The following CYBRD1 variants were observed in gnomAD, a reference collection of about 807,000 sequenced individuals.
The protein encoded by CYBRD1 is plasma membrane ascorbate-dependent reductase CYBRD1.
CYBRD1 carries 14 observed loss-of-function variants against 21.9 expected under a neutral mutation model. The ratio of observed to expected loss-of-function variants is 0.64; its 90% CI spans 0.42 to 1.00. The LOEUF (loss-of-function observed/expected upper bound fraction) is 1.00. CYBRD1 is among the 50% of genes least tolerant of loss of function. The pLI is 0.00. For synonymous variants in CYBRD1, 146 were observed against 136.5 expected, an observed-to-expected ratio of 1.07 and a Z score of -0.48; for missense variants, 328 against 352.5, an observed-to-expected ratio of 0.93 and a Z score of 0.56.
Position 171,542,230 on chromosome 2 carries a change from A to G in CYBRD1, c.402+437A>G, listed in dbSNP as rs1574439849. Among the ~76,000 whole-genome samples, 3 of 152,176 alleles carry G rather than the reference A, an allele frequency of 2.0e-5. No individual in the cohort carries two copies. In the South Asian group the frequency reaches 6.2e-4, roughly 31 times the overall value. ...TATAACTATTTTCCCCTCAGAGAGC[A>G]CCAGAATTGCAGAATTCACAGAACA... On this transcript the variant is annotated intron_variant, in intron 2 of 3. Coordinates refer to ENST00000321348, the MANE Select transcript of CYBRD1 (RefSeq NM_024843.4).
intron 2 of CYBRD1, among the ~76,000 whole-genome samples, chr2:171,551,586 A>G (rs189158210): frequency 6.6e-6 from 1 of 152,312 alleles, no homozygotes; most frequent in East Asian, 1.9e-4. Flanking sequence ...TCCACCAAAA[A>G]TCTATTAGGA....
At chr2:171,547,261 C>T (rs1042411156) in intron 2 of CYBRD1, among the ~76,000 whole-genome samples, 8 of 152,014 alleles carry the variant, frequency 5.3e-5, no homozygotes, top group Admixed American at 5.2e-4. Context: ...CTAATGACCC[C>T]AGAAAGCAAT....
chr2:171,529,531 CA>C (rs57600338), intron 1 of CYBRD1, among the ~76,000 whole-genome samples: 19,639 of 68,730 alleles, frequency 0.29, 1,005 homozygotes, highest in East Asian at 0.49. Flanking sequence ...AACTCTGTCT[CA>C]AAAAAAAAAA....
At chr2:171,523,266 T>C (rs765824350) in intron 1 of CYBRD1, 7 of 434,036 alleles carry the variant, frequency 1.6e-5, no homozygotes, top group South Asian at 1.2e-4. Flanking sequence ...GGGGAAAAGA[T>C]TGCCGGAGCG....
chr2:171,555,067 T>C lies in CYBRD1; in HGVS notation c.*240T>C. ...TTGTGGTTATGTTACCTTTATCTTG[T>C]TGAGGACCACAACATTAGCACGGTG... On this transcript the variant is annotated 3_prime_UTR_variant, in exon 4 of 4. Transcript: ENST00000321348. 1.9e-6 allele frequency: 1 copy of C among 538,706 alleles called. No homozygotes were observed. The highest frequency in any genetic ancestry group is 3.3e-5 in the East Asian group (1 of 30,108). 33.4% of individuals were successfully genotyped at this position (538,706 alleles called of 1,614,324 possible).
chr2:171,535,221 A>G (rs1047163238), intron 1 of CYBRD1, among the ~76,000 whole-genome samples: 2 of 152,048 alleles, frequency 1.3e-5, no homozygotes, highest in Non-Finnish European at 1.5e-5. Context: ...CTCAAACCAT[A>G]ATTGTATGGG....
At position 171,522,720 on chromosome 2, in the gene CYBRD1, G is replaced by A. The variant is rs754748261; in HGVS notation, c.175G>A (p.Val59Ile). ...CCCAGTGCTCATGGTCACCGGCTTC[G>A]TCTTCATCCAGGGCATCGGTACTGG... ...WHPVLMVTGFVFIQGIAIIVY... is the reference protein window; with the variant it reads ...WHPVLMVTGFIFIQGIAIIVY... The change falls in exon 1 of 4, where the codon GTC becomes ATC. Residue 59 changes from valine (V) to isoleucine (I), a missense_variant. Val to Ile is a conservative substitution (Grantham distance 29, BLOSUM62 3). Coordinates refer to ENST00000321348, the MANE Select transcript of CYBRD1 (RefSeq NM_024843.4). This position sits in a 1 kb window ranked among gnomAD's most constrained non-coding sequence, Gnocchi z 4.3. 6.2e-6 allele frequency: 10 copies of A among 1,613,394 alleles called. No individual in the cohort carries two copies. In the African/African-American group the frequency reaches 1.1e-4, roughly 17 times the overall value.
chr2:171,538,932 G>T (rs1028660936), intron 1 of CYBRD1, among the ~76,000 whole-genome samples: 2 of 151,918 alleles, frequency 1.3e-5, no homozygotes, highest in South Asian at 2.1e-4. Flanking sequence ...CAAGTAGCTG[G>T]GATTACAGGT....
rs540751723 is a variant in CYBRD1, at chr2:171,545,519, C to T, written c.402+3726C>T. Among the ~76,000 whole-genome samples the T allele has an allele frequency of 1.1e-4, 17 of 149,756 alleles. No homozygotes were observed. In the South Asian group the frequency reaches 3.0e-3, roughly 26 times the overall value. ...TCAGCCTCCCGAGTAGCTGGGATTA[C>T]AGGCTCGTGCCACAACATGTGGCTA... On this transcript the variant is annotated intron_variant, in intron 2 of 3. Coordinates refer to ENST00000321348, the MANE Select transcript of CYBRD1 (RefSeq NM_024843.4).
At chr2:171,523,123 G>T in intron 1 of CYBRD1, 1 of 327,678 alleles carries the variant, frequency 3.1e-6, no homozygotes. Flanking sequence ...GCGCAGTCGG[G>T]CCGCTGCAGC....
chr2:171,530,377 A>G (rs948987197), intron 1 of CYBRD1, among the ~76,000 whole-genome samples: 2 of 152,192 alleles, frequency 1.3e-5, no homozygotes, highest in African/African-American at 2.4e-5. Context: ...CAGATTTTTC[A>G]TTGTTTCTCT....
chr2:171,545,741 G>A (rs904168298), intron 2 of CYBRD1, among the ~76,000 whole-genome samples: 12 of 151,764 alleles, frequency 7.9e-5, no homozygotes, highest in East Asian at 7.7e-4. Flanking sequence ...TATTTTTGTG[G>A]TACATATGAT....
chr2:171,527,307 T>C (rs1697399349), intron 1 of CYBRD1, among the ~76,000 whole-genome samples: 1 of 152,172 alleles, frequency 6.6e-6, no homozygotes, highest in East Asian at 1.9e-4. Context: ...CCAATAAAAA[T>C]GTTTTAGATA....
chr2:171,545,923 T>C (rs1444834572), intron 2 of CYBRD1, among the ~76,000 whole-genome samples: 1 of 152,208 alleles, frequency 6.6e-6, no homozygotes, highest in Non-Finnish European at 1.5e-5. Context: ...AGTTTTCTTC[T>C]TTAACATCTT....
intron 1 of CYBRD1, chr2:171,541,182 C>A: frequency 8.5e-6 from 2 of 234,948 alleles, no homozygotes; most frequent in South Asian, 6.3e-5. Flanking sequence ...ACGGAAATAC[C>A]AAGAAGACAT....
intron 3 of CYBRD1, 40 bp from the exon 4 acceptor site, chr2:171,554,484 A>G (rs766199247): frequency 1.2e-6 from 2 of 1,606,130 alleles, no homozygotes; most frequent in African/African-American, 2.7e-5. Flanking sequence ...ATGTTGCTGT[A>G]TCATCCTGTT....
chr2:171,531,604 G>A (rs545088926), intron 1 of CYBRD1, among the ~76,000 whole-genome samples: 21 of 152,066 alleles, frequency 1.4e-4, no homozygotes, highest in African/African-American at 2.6e-4. Context: ...CCACCGCACC[G>A]TCCCAGCTCA....
intron 1 of CYBRD1, among the ~76,000 whole-genome samples, chr2:171,528,186 A>G (rs1337859451): frequency 3.3e-5 from 5 of 152,066 alleles, no homozygotes; most frequent in Non-Finnish European, 5.9e-5. Flanking sequence ...CCCGGGTTCA[A>G]GCGATTCTCC....
rs928253173 is a variant in CYBRD1 at position 171,556,058 on chromosome 2, G to A, written c.*1231G>A. 1 of 152,190 alleles carries A rather than the reference G, an allele frequency of 6.6e-6. No homozygotes were observed. Among genetic ancestry groups the A allele is most frequent in the Non-Finnish European group, 1.5e-5 (1 of 68,030 alleles). The allele number at this position is 152,190 out of a possible 1,614,324, so 9.4% of individuals were successfully genotyped here. A position where few individuals can be genotyped will look rare whatever the true frequency, so the allele number is the denominator to read the frequency against. ...AAGGGGCCACCCATACCTGGAAATA[G>A]GCCATAGGGCCCCTACTACTGCCAA... On this transcript the variant is annotated 3_prime_UTR_variant, in exon 4 of 4. Transcript: ENST00000321348.
Sources: allele counts gnomAD v4.1 joint callset (sites outside exome capture counted in the v4.1 genomes callset), GRCh38; gene constraint gnomAD v4.1.1; non-coding constraint Gnocchi (gnomAD v3.1); transcripts MANE v1.5; gene names NCBI Gene and HGNC (gene_info 2026-07-23, HGNC 2026-07-21).